DACH2: variants seen among roughly 807,000 people sequenced by gnomAD.
The protein encoded by DACH2 is dachshund family transcription factor 2.
DACH2 carries 17 observed loss-of-function variants against 35.8 expected under a neutral mutation model. The ratio of observed to expected loss-of-function variants is 0.48; its 90% CI spans 0.33 to 0.71. The LOEUF (loss-of-function observed/expected upper bound fraction) is 0.71, where lower values mean the gene tolerates loss of function less well. Ranked by LOEUF, DACH2 falls within the 30% of genes least tolerant of loss-of-function variation. The pLI, the probability that DACH2 is intolerant of heterozygous loss-of-function variation, is 0.02. For synonymous variants in DACH2, 195 were observed against 177.3 expected (o/e 1.10, Z -0.79); for missense variants, 469 against 472.7 (o/e 0.99, Z 0.07).
chrX:86,265,697 T>C (rs1380030243), intron 1 of DACH2, among the ~76,000 whole-genome samples: 1 of 111,749 alleles, frequency 8.9e-6, no homozygotes, highest in African/African-American at 3.3e-5. Flanking sequence ...ATTCCACAGA[T>C]TCTGAGATCA....
At chrX:86,700,577 AATAAG>A (rs2041130525) in intron 5 of DACH2, among the ~76,000 whole-genome samples, 2 of 111,047 alleles carry the variant, frequency 1.8e-5, no homozygotes, top group Non-Finnish European at 3.8e-5. Context: ...TGAAAAAAAT[AATAAG>A]ATAACATAAA....
chrX:86,356,076 T>G (rs1463662710), intron 1 of DACH2, among the ~76,000 whole-genome samples: 2 of 111,944 alleles, frequency 1.8e-5, no homozygotes, highest in Non-Finnish European at 3.8e-5. Context: ...TTGCAATTGC[T>G]TTCAGTGTGT....
At chrX:86,592,633 A>T (rs1427183776) in intron 3 of DACH2, among the ~76,000 whole-genome samples, 1 of 112,315 alleles carries the variant, frequency 8.9e-6, no homozygotes, top group Non-Finnish European at 1.9e-5. Context: ...TCTTAATTAT[A>T]TTAATTGCTT....
In DACH2 at chrX:86,724,148, G is replaced by A. The variant is rs1249474148; in HGVS notation, c.1104+9428G>A. On this transcript the variant is annotated intron_variant, in intron 6 of 11. Transcript: ENST00000373125. ...ACATGTGAAGTTTTGTGCCTGTCAT[G>A]TTTTTTATTCCTTTTAATTGGTTTT... Among the ~76,000 whole-genome samples, 3 of 110,901 alleles carry A rather than the reference G, an allele frequency of 2.7e-5. No individual in the cohort carries two copies. In the East Asian group the frequency reaches 8.6e-4, roughly 32 times the overall value.
intron 3 of DACH2, among the ~76,000 whole-genome samples, chrX:86,553,547 A>G (rs2039078273): frequency 8.9e-6 from 1 of 111,931 alleles, no homozygotes; most frequent in Non-Finnish European, 1.9e-5. Flanking sequence ...ACCTCTTGTC[A>G]ACTTGAACCC....
chrX:86,407,399 C>A (rs1023992065), intron 2 of DACH2, among the ~76,000 whole-genome samples: 6 of 111,627 alleles, frequency 5.4e-5, no homozygotes, highest in Non-Finnish European at 1.1e-4. Flanking sequence ...GTCAATAAAG[C>A]GTGGCTTTTC....
intron 7 of DACH2, among the ~76,000 whole-genome samples, chrX:86,766,883 C>T (rs1056936170): frequency 9.0e-6 from 1 of 111,302 alleles, no homozygotes; most frequent in African/African-American, 3.3e-5. Context: ...CAGAGTCTTA[C>T]TTATATCCTT....
At chrX:86,233,009 TA>T (rs2032982593) in intron 1 of DACH2, among the ~76,000 whole-genome samples, 1 of 111,839 alleles carries the variant, frequency 8.9e-6, no homozygotes, top group Non-Finnish European at 1.9e-5. Context: ...TATGCAGCCA[TA>T]AAAAAGAATG....
chrX:86,662,160 A>G (rs1241473294), intron 4 of DACH2, among the ~76,000 whole-genome samples: 1 of 112,192 alleles, frequency 8.9e-6, no homozygotes, highest in Non-Finnish European at 1.9e-5. Context: ...GCTTTCATAG[A>G]CACAGCTCTA....
At chrX:86,385,635 T>C (rs1294569450) in intron 2 of DACH2, among the ~76,000 whole-genome samples, 1 of 111,095 alleles carries the variant, frequency 9.0e-6, no homozygotes, top group Non-Finnish European at 1.9e-5. Flanking sequence ...GATTTTTGTA[T>C]CTTTGGGGGT....
intron 4 of DACH2, among the ~76,000 whole-genome samples, chrX:86,652,471 G>T (rs141001464): frequency 0.018 from 2,026 of 112,159 alleles, 14 homozygotes; most frequent in Non-Finnish European, 0.03. Context: ...CCAGTAGTGG[G>T]ATGGTTGGGT....
At chrX:86,554,611 T>C (rs2039092423) in intron 3 of DACH2, among the ~76,000 whole-genome samples, 1 of 111,862 alleles carries the variant, frequency 8.9e-6, no homozygotes, top group African/African-American at 3.2e-5. Flanking sequence ...AGTACCAAAA[T>C]GTTTCTTATC....
At chrX:86,581,445 G>A (rs964176383) in intron 3 of DACH2, among the ~76,000 whole-genome samples, 2 of 111,377 alleles carry the variant, frequency 1.8e-5, no homozygotes, top group Non-Finnish European at 3.8e-5. Flanking sequence ...GGAGAAATAA[G>A]CAAGACTCAA....
chrX:86,388,412 T>C (rs775431443), intron 2 of DACH2, among the ~76,000 whole-genome samples: 14 of 111,439 alleles, frequency 1.3e-4, no homozygotes, highest in Non-Finnish European at 2.3e-4. Context: ...AGTTTGGAGA[T>C]AGTAATAGGG....
rs2042181205 is a variant in DACH2 at position 86,790,922 on chromosome X, A to G, written c.1241-21934A>G. Among the ~76,000 whole-genome samples, 3 of 111,775 alleles carry G rather than the reference A, an allele frequency of 2.7e-5. No individual in the cohort carries two copies. The Admixed American group carries it at 2.9e-4, about 11-fold the overall frequency. On this transcript the variant is annotated intron_variant, in intron 7 of 11. Coordinates refer to ENST00000373125, the MANE Select transcript of DACH2 (RefSeq NM_053281.3). Reference sequence around the variant, plus strand: ...ACTGGAAACTTTATTGATAATGTAAATTTTCAATTAACATATATCGTATGT... The same window carrying G: ...ACTGGAAACTTTATTGATAATGTAAGTTTTCAATTAACATATATCGTATGT...
At chrX:86,460,875 A>T (rs948631607) in intron 2 of DACH2, among the ~76,000 whole-genome samples, 4 of 111,228 alleles carry the variant, frequency 3.6e-5, no homozygotes, top group African/African-American at 1.3e-4. Context: ...GATGTTAACA[A>T]GACCCTTATT....
chrX:86,332,444 A>T lies in DACH2; in HGVS notation c.489-44380A>T, dbSNP rs955038322. 4.5e-5 allele frequency among the ~76,000 whole-genome samples: 5 copies of T among 111,880 alleles called. No homozygotes were observed. In the South Asian group the frequency reaches 1.9e-3, roughly 42 times the overall value. On this transcript the variant is annotated intron_variant, in intron 1 of 11. Transcript: ENST00000373125. ...ATCCCTAAAGAGTAAAATGAGGCAG[A>T]TTCTGACTGCAGTCCGGTCTTTACC... is the stretch of plus-strand genomic sequence containing the variant.
chrX:86,385,155 AC>A (rs759550289), intron 2 of DACH2, among the ~76,000 whole-genome samples: 93 of 111,908 alleles, frequency 8.3e-4, no homozygotes, highest in African/African-American at 2.9e-3. Context: ...AGTCTAAATT[AC>A]AAAAATGGTG....
At chrX:86,478,546 T>C (rs1158828679) in intron 2 of DACH2, among the ~76,000 whole-genome samples, 4 of 106,828 alleles carry the variant, frequency 3.7e-5, no homozygotes, top group Non-Finnish European at 7.8e-5. Flanking sequence ...GTTTTTCTTT[T>C]TTTTTTTTTT....
Sources: allele counts gnomAD v4.1 joint callset (sites outside exome capture counted in the v4.1 genomes callset), GRCh38; gene constraint gnomAD v4.1.1; transcripts MANE v1.5; gene names NCBI Gene and HGNC (gene_info 2026-07-23, HGNC 2026-07-21).